Variants in MARCHF7 observed in about 807,000 individuals in gnomAD.
MARCHF7 encodes membrane associated ring-CH-type finger 7.
Under a neutral mutation model 76.5 loss-of-function variants are expected in MARCHF7, and 20 were observed. The ratio of observed to expected loss-of-function variants is 0.26; its 90% CI spans 0.18 to 0.38. The LOEUF is 0.38. MARCHF7 is among the 10% of genes least tolerant of loss of function. The probability of loss-of-function intolerance (pLI) is 1.00; values close to 1 mark genes in which losing one functional copy is unlikely to be tolerated. For missense variants in MARCHF7, 797 were observed against 812.9 expected (o/e 0.98, Z 0.24); for synonymous variants, 295 against 293.0 (o/e 1.01, Z -0.07).
Position 159,743,170 on chromosome 2 carries a change from A to G in MARCHF7, c.263A>G (p.Asp88Gly). 6.2e-7 allele frequency: 1 copy of G among 1,614,248 alleles called. No homozygotes were observed. The highest frequency in any genetic ancestry group is 8.5e-7 in the Non-Finnish European group (1 of 1,180,042). Reference protein sequence around the residue: ...SRSQNQQRDHDSKRPKLSCTN... With the variant: ...SRSQNQQRDHGSKRPKLSCTN... ...TCGCAGAACCAGCAACGGGATCATG[A>G]TTCAAAAAGACCTAAACTTTCCTGT... The change falls in exon 5 of 12, where the codon GAT (aspartate) becomes GGT (glycine). Residue 88 changes from aspartate (D) to glycine (G), a missense_variant. Asp to Gly is a moderately conservative substitution (Grantham distance 94). Around this residue, in one of 3 missense-constraint regions of MARCHF7, gnomAD observed 643 missense variants for 631.5 expected, o/e 1.02. Coordinates refer to ENST00000409175, the MANE Select transcript of MARCHF7 (RefSeq NM_001282805.2).
chr2:159,737,411 G>GA (rs1238214621), intron 4 of MARCHF7, among the ~76,000 whole-genome samples: 2 of 152,094 alleles, frequency 1.3e-5, no homozygotes, highest in African/African-American at 4.8e-5. Flanking sequence ...ATAAGCACAT[G>GA]AAAAAATATT....
chr2:159,733,686 AGTTAT>A (rs1560001481), intron 4 of MARCHF7: 2 of 985,446 alleles, frequency 2.0e-6, no homozygotes, highest in Non-Finnish European at 2.4e-6. Flanking sequence ...GATCAATTTC[AGTTAT>A]GTTATAGACT....
intron 4 of MARCHF7, among the ~76,000 whole-genome samples, chr2:159,735,089 G>A (rs557682095): frequency 3.9e-5 from 6 of 152,290 alleles, no homozygotes; most frequent in African/African-American, 1.4e-4. Context: ...GTGGAGATGG[G>A]TACTCTCCAT....
At chr2:159,731,685 C>T (rs930425406) in intron 4 of MARCHF7, among the ~76,000 whole-genome samples, 10 of 150,922 alleles carry the variant, frequency 6.6e-5, no homozygotes, top group East Asian at 2.0e-4. Flanking sequence ...ATCCTGGAGA[C>T]GGAAGTTGCC....
intron 10 of MARCHF7, among the ~76,000 whole-genome samples, chr2:159,763,569 C>CT (rs1355784383): frequency 6.6e-6 from 1 of 152,098 alleles, no homozygotes; most frequent in Non-Finnish European, 1.5e-5. Context: ...CCAGAGGAAA[C>CT]TTTATGCTTT....
chr2:159,713,919 G>T (rs1244110816), intron 1 of MARCHF7, among the ~76,000 whole-genome samples: 1 of 152,154 alleles, frequency 6.6e-6, no homozygotes. Context: ...ACTAGTCTTG[G>T]TTTTTTTCCA....
rs1264350516 is a variant in MARCHF7 at position 159,748,305 on chromosome 2, A to C, written c.1015A>C (p.Asn339His). 1.3e-5 allele frequency: 21 copies of C among 1,613,398 alleles called. No homozygotes were observed. The highest frequency in any genetic ancestry group is 1.8e-5 in the Non-Finnish European group (21 of 1,179,924). Residue 339 changes from asparagine to histidine, a missense_variant, in exon 7 of 12, where the codon AAT becomes CAT. By Grantham distance (68) the Asn-to-His change is moderately conservative. Coordinates refer to ENST00000409175, the MANE Select transcript of MARCHF7 (RefSeq NM_001282805.2). ...ACCATCAGCTTCTGAAGTTCCCGAT[A>C]ATAGGGCATCTGAAGCTTCTCAGGG... ...NVPSASEVPD[N>H]RASEASQGFR...
At position 159,759,724 on chromosome 2, in the gene MARCHF7, T is replaced by G. The variant is rs576082150; in HGVS notation, c.1893+389T>G. On this transcript the variant is annotated intron_variant, in intron 9 of 11. Transcript: ENST00000409175. ...TACAAGGGTGACTTTAGAGCCAAAT[T>G]GTTGAAGTGTGGTTAGCATATTTGT... 5.9e-4 allele frequency among the ~76,000 whole-genome samples: 90 copies of G among 152,196 alleles called. 1 individual carries two copies. The highest frequency in any genetic ancestry group is 1.2e-3 in the Non-Finnish European group (82 of 68,010).
chr2:159,758,820 G>C (rs906644470), intron 8 of MARCHF7, among the ~76,000 whole-genome samples: 1 of 152,182 alleles, frequency 6.6e-6, no homozygotes. Context: ...AAAGATACTG[G>C]CTTGGGTGTG....
intron 3 of MARCHF7, 75 bp from the exon 4 acceptor site, chr2:159,728,934 A>G (rs1702470517): frequency 1.2e-6 from 1 of 814,506 alleles, no homozygotes; most frequent in African/African-American, 1.8e-5. Flanking sequence ...ATTTGAGCTG[A>G]TGATTAAGGA....
chr2:159,737,810 C>T (rs1308023696), intron 4 of MARCHF7, among the ~76,000 whole-genome samples: 2 of 152,122 alleles, frequency 1.3e-5, no homozygotes, highest in Non-Finnish European at 2.9e-5. Context: ...AAAAGATGGA[C>T]AATCACAGTG....
intron 9 of MARCHF7, among the ~76,000 whole-genome samples, 159 bp from the exon 10 acceptor site, chr2:159,762,720 TA>T (rs1258815608): frequency 6.6e-6 from 1 of 152,136 alleles, no homozygotes; most frequent in Non-Finnish European, 1.5e-5. Flanking sequence ...ATTATAAAGA[TA>T]TTCTTTTTTT....
chr2:159,751,260 C>A (rs966128033), intron 7 of MARCHF7, among the ~76,000 whole-genome samples: 1 of 152,198 alleles, frequency 6.6e-6, no homozygotes, highest in Non-Finnish European at 1.5e-5. Flanking sequence ...GCCAGTACCA[C>A]TCTATCTGGT....
Position 159,767,264 on chromosome 2 carries a change from A to T in MARCHF7, c.2057-20A>T. On this transcript the variant is annotated intron_variant, in intron 11 of 11. Coordinates refer to ENST00000409175, the MANE Select transcript of MARCHF7 (RefSeq NM_001282805.2). ...ATCCCCCTTAAAATCATTCTTGATC[A>T]TCCTGTTTTCTTTCAACAGCTTCAG... The T allele has an allele frequency of 6.3e-7, 1 of 1,590,640 alleles. No homozygotes were observed. Among genetic ancestry groups the T allele is most frequent in the South Asian group, 1.1e-5 (1 of 90,228 alleles).
intron 4 of MARCHF7, among the ~76,000 whole-genome samples, chr2:159,735,239 C>CA (rs2125463962): frequency 6.6e-6 from 1 of 152,252 alleles, no homozygotes; most frequent in Non-Finnish European, 1.5e-5. Context: ...ATGAGGAGCC[C>CA]AGGAAAAGAA....
chr2:159,745,175 A>G (rs1704698690), intron 5 of MARCHF7, among the ~76,000 whole-genome samples: 1 of 152,194 alleles, frequency 6.6e-6, no homozygotes, highest in South Asian at 2.1e-4. Flanking sequence ...CATAATGTAT[A>G]GGTAGATGTT....
At chr2:159,730,676 A>G (rs1334580053) in intron 4 of MARCHF7, among the ~76,000 whole-genome samples, 1 of 152,190 alleles carries the variant, frequency 6.6e-6, no homozygotes, top group Non-Finnish European at 1.5e-5. Flanking sequence ...TTCTGTAGAA[A>G]TGTCATGGTG....
intron 8 of MARCHF7, among the ~76,000 whole-genome samples, chr2:159,757,138 G>A (rs572567753): frequency 4.7e-4 from 72 of 152,188 alleles, no homozygotes; most frequent in Middle Eastern, 3.4e-3. Flanking sequence ...CAAGTGATCC[G>A]CCTGCCTCGG....
chr2:159,758,410 G>A (rs1706594687), intron 8 of MARCHF7, among the ~76,000 whole-genome samples: 1 of 152,154 alleles, frequency 6.6e-6, no homozygotes, highest in African/African-American at 2.4e-5. Flanking sequence ...TCCATTCACA[G>A]TGTTGTGCAA....
Sources: allele counts gnomAD v4.1 joint callset (sites outside exome capture counted in the v4.1 genomes callset), GRCh38; gene constraint gnomAD v4.1.1; regional missense constraint gnomAD v4.1.1; transcripts MANE v1.5; gene names NCBI Gene and HGNC (gene_info 2026-07-23, HGNC 2026-07-21).